Variants in UGT1A5 observed in about 807,000 individuals in gnomAD.
The protein encoded by UGT1A5 is UDP-glucuronosyltransferase 1A5.
Under a neutral mutation model 40.3 loss-of-function variants are expected in UGT1A5, and 29 were observed. The observed-to-expected ratio is 0.72, with a 90% CI of 0.54 to 0.98. The LOEUF (loss-of-function observed/expected upper bound fraction) is 0.98. Ranked by LOEUF, UGT1A5 falls within the 50% of genes least tolerant of loss-of-function variation. The pLI is 0.00. For missense variants in UGT1A5, 678 were observed against 677.9 expected (o/e 1.00, Z 0.00); for synonymous variants, 257 against 262.5 (o/e 0.98, Z 0.20).
At chr2:233,767,361 T>C (rs990880937) in intron 2 of UGT1A5, among the ~76,000 whole-genome samples, 196 bp downstream of exon 2, 19 of 152,222 alleles carry the variant, frequency 1.2e-4, no homozygotes, top group African/African-American at 3.6e-4. Flanking sequence ...TCAAATACTC[T>C]ATTAAACTAT....
At chr2:233,767,732 C>T (rs1041419428) in intron 2 of UGT1A5, 117 bp from the exon 3 acceptor site, 2 of 1,564,690 alleles carry the variant, frequency 1.3e-6, no homozygotes, top group Admixed American at 1.9e-5. Flanking sequence ...ACTGATCCTC[C>T]CACTCTGTTA....
At chr2:233,734,127 G>A (rs549754021) in intron 1 of UGT1A5, among the ~76,000 whole-genome samples, 274 of 151,640 alleles carry the variant, frequency 1.8e-3, no homozygotes, top group Non-Finnish European at 3.0e-3. Context: ...ATAATAAAAA[G>A]AATTTGGCTG....
Position 233,744,040 on chromosome 2 carries a change from C to A in UGT1A5, c.868-22994C>A. 9 of 766,390 alleles carry A rather than the reference C, an allele frequency of 1.2e-5. No individual in the cohort carries two copies. In the South Asian group the frequency reaches 1.4e-4, roughly 12 times the overall value. 47.5% of individuals were successfully genotyped at this position (766,390 alleles called of 1,614,324 possible). On this transcript the variant is annotated intron_variant, in intron 1 of 4. Transcript: ENST00000373414. ...TGGAGAGACGCCCCTTATGACGCAG[C>A]CACATCTCATTGGTCGAGGCCTATG...
At chr2:233,730,613 G>C (rs1454743444) in intron 1 of UGT1A5, among the ~76,000 whole-genome samples, 2 of 152,156 alleles carry the variant, frequency 1.3e-5, no homozygotes. Context: ...AGATTTTCTG[G>C]TCAGGATTTG....
chr2:233,743,543 C>A (rs1253470461), intron 1 of UGT1A5: 2 of 1,367,070 alleles, frequency 1.5e-6, no homozygotes, highest in Admixed American at 3.8e-5. Flanking sequence ...TTCCTCTGAC[C>A]CCCCCAAAAT....
intron 1 of UGT1A5, chr2:233,747,618 G>A (rs1433302665): frequency 1.3e-5 from 21 of 1,574,996 alleles, no homozygotes; most frequent in Middle Eastern, 1.7e-4. Flanking sequence ...GCATAATGAG[G>A]CCCTGATCAG....
chr2:233,721,160 T>G (rs1327409494), intron 1 of UGT1A5, among the ~76,000 whole-genome samples: 1 of 152,228 alleles, frequency 6.6e-6, no homozygotes. Context: ...CACTAAACTT[T>G]ATTTTTGTTT....
intron 1 of UGT1A5, among the ~76,000 whole-genome samples, chr2:233,766,787 C>G (rs1296978407): frequency 6.6e-6 from 1 of 152,170 alleles, no homozygotes; most frequent in Non-Finnish European, 1.5e-5. Flanking sequence ...TTTTGGAAAA[C>G]TAGCACATTA....
Position 233,748,080 on chromosome 2 carries a change from G to A in UGT1A5, c.868-18954G>A, listed in dbSNP as rs1693856955. The stretch of plus-strand genomic sequence containing the variant: ...TGCCAACAGGAAGCCACTATCTCAG[G>A]TCGGTGTTCGTGCCTTCATCCAATC... On this transcript the variant is annotated intron_variant, in intron 1 of 4. Transcript: ENST00000373414. The A allele has an allele frequency of 1.2e-5, 19 of 1,613,008 alleles. 1 individual carries two copies. In the Admixed American group the frequency reaches 3.2e-4, roughly 27 times the overall value.
At chr2:233,719,543 A>G (rs756254321) in intron 1 of UGT1A5, 16 of 1,613,668 alleles carry the variant, frequency 9.9e-6, no homozygotes, top group Non-Finnish European at 8.5e-6. Flanking sequence ...TTTTTCAGAG[A>G]GAGGTGTCAG....
intron 1 of UGT1A5, among the ~76,000 whole-genome samples, chr2:233,715,856 G>A (rs1421032184): frequency 2.6e-5 from 4 of 152,126 alleles, no homozygotes; most frequent in Non-Finnish European, 5.9e-5. Context: ...TGAAAAGCTG[G>A]GTGCAGTAGC....
At position 233,713,639 on chromosome 2, in the gene UGT1A5, C is replaced by T. The variant is rs772966162; in HGVS notation, c.648C>T (p.Tyr216=). Residue 216 remains tyrosine (Y), a synonymous_variant, in exon 1 of 5, where the codon TAC becomes TAT. Coordinates refer to ENST00000373414, the MANE Select transcript of UGT1A5 (RefSeq NM_019078.2). Reference sequence around the variant, plus strand: ...TGCAAAGGGTCAAGAACATGCTCTACCCTCTGGCCCTGTCCTACCTTTGCC... The same window carrying T: ...TGCAAAGGGTCAAGAACATGCTCTATCCTCTGGCCCTGTCCTACCTTTGCC... ...TFLQRVKNML[Y]PLALSYLCHA... 3.1e-6 allele frequency: 5 copies of T among 1,613,978 alleles called. No homozygotes were observed. The highest frequency in any genetic ancestry group is 1.1e-5 in the South Asian group (1 of 91,066).
intron 1 of UGT1A5, among the ~76,000 whole-genome samples, chr2:233,744,973 G>T (rs771503200): frequency 1.3e-5 from 2 of 151,732 alleles, no homozygotes; most frequent in African/African-American, 2.4e-5. Context: ...CCTTCTTTAA[G>T]CCTCTAGTCA....
chr2:233,731,132 CTA>C (rs1206897988), intron 1 of UGT1A5, among the ~76,000 whole-genome samples: 3 of 152,006 alleles, frequency 2.0e-5, no homozygotes, highest in African/African-American at 7.3e-5. Flanking sequence ...GCAAAAGACT[CTA>C]AGCTTCATTT....
At chr2:233,767,292 T>C in intron 2 of UGT1A5, 127 bp downstream of exon 2, 1 of 1,553,044 alleles carries the variant, frequency 6.4e-7, no homozygotes, top group South Asian at 1.2e-5. Context: ...ACTTCCCAAC[T>C]ATTAATCCAA....
chr2:233,754,935 A>G, intron 1 of UGT1A5: 2 of 1,340,028 alleles, frequency 1.5e-6, no homozygotes, highest in Non-Finnish European at 2.0e-6. Context: ...CAAGAGGTCA[A>G]AGGAGAATGG....
intron 1 of UGT1A5, chr2:233,743,951 A>G (rs1692602468): frequency 1.4e-5 from 19 of 1,344,342 alleles, no homozygotes; most frequent in Non-Finnish European, 1.9e-5. Context: ...AGGCACTGGC[A>G]CAGCGAGCGG....
intron 1 of UGT1A5, among the ~76,000 whole-genome samples, chr2:233,757,567 T>TATATATATATATATATATA (rs1553619947): frequency 7.0e-6 from 1 of 142,920 alleles, no homozygotes; most frequent in Non-Finnish European, 1.5e-5. Flanking sequence ...TATATGTATA[T>TATATATATATATATATATA]ATGATATAGC....
chr2:233,729,474 G>A, intron 1 of UGT1A5: 1 of 1,614,210 alleles, frequency 6.2e-7, no homozygotes. Context: ...GTATGGCAAT[G>A]TTGAACAATA....
Sources: allele counts gnomAD v4.1 joint callset (sites outside exome capture counted in the v4.1 genomes callset), GRCh38; gene constraint gnomAD v4.1.1; transcripts MANE v1.5; gene names NCBI Gene and HGNC (gene_info 2026-07-23, HGNC 2026-07-21).